The following SGCD variants were observed in gnomAD, a reference collection of about 807,000 sequenced individuals.
The protein encoded by SGCD is delta-sarcoglycan.
A neutral mutation model predicts 36.6 loss-of-function variants in SGCD; 18 were observed. The ratio of observed to expected loss-of-function variants is 0.49; its 90% confidence interval spans 0.34 to 0.73. SGCD has a LOEUF of 0.73. Among genes scored for constraint, SGCD ranks in the 30% least tolerant of loss-of-function variants. The pLI, the probability that SGCD is intolerant of heterozygous loss-of-function variation, is 0.01. For missense variants in SGCD, 387 were observed against 346.7 expected (o/e 1.12, Z -0.92); for synonymous variants, 133 against 130.6 (o/e 1.02, Z -0.12).
chr5:155,829,009 A>G, the SGCD span, among the ~76,000 whole-genome samples: 1 of 151,784 alleles, frequency 6.6e-6, no homozygotes, highest in African/African-American at 2.4e-5. Context: ...ATATTATTCT[A>G]TTTTGTCTTT....
chr5:156,714,207 C>T (rs889898076), intron 7 of SGCD, among the ~76,000 whole-genome samples: 1 of 152,224 alleles, frequency 6.6e-6, no homozygotes, highest in Non-Finnish European at 1.5e-5. Flanking sequence ...ACACTCCCAG[C>T]TGAGGTGGAA....
chr5:156,078,044 A>T (rs1760837362), intron 1 of SGCD, among the ~76,000 whole-genome samples: 1 of 152,158 alleles, frequency 6.6e-6, no homozygotes, highest in African/African-American at 2.4e-5. Context: ...ACAATAACAA[A>T]AAGAATCCCT....
In SGCD at chr5:156,113,260, AG is replaced by A. The variant is rs201878428; in HGVS notation, c.-281-4617del. 8.5e-5 allele frequency among the ~76,000 whole-genome samples: 13 copies of A among 152,294 alleles called. No homozygotes were observed. In the East Asian group the frequency reaches 2.5e-3, roughly 29 times the overall value. On this transcript the variant is annotated intron_variant, in intron 1 of 9. Transcript: ENST00000517913. ...TTCAAACAATATAGTCCCTAAGAAA[AG>A]TCTTCATTTCACTTGTTTTTGACCT...
intron 3 of SGCD, among the ~76,000 whole-genome samples, chr5:156,361,508 A>G (rs1769793347): frequency 1.3e-5 from 2 of 152,234 alleles, no homozygotes; most frequent in Admixed American, 1.3e-4. Flanking sequence ...ATAACCAGAA[A>G]GTAGAGTATG....
At chr5:156,718,727 G>A (rs1755338336) in intron 7 of SGCD, among the ~76,000 whole-genome samples, 1 of 151,526 alleles carries the variant, frequency 6.6e-6, no homozygotes, top group Admixed American at 6.6e-5. Flanking sequence ...CCAGCACTTT[G>A]GGAGGTTGAG....
At chr5:156,665,050 G>A (rs1409518165) in intron 7 of SGCD, among the ~76,000 whole-genome samples, 152 of 137,260 alleles carry the variant, frequency 1.1e-3, no homozygotes, top group African/African-American at 1.9e-3. Flanking sequence ...CTGATGGTAT[G>A]GCGCCCTGCC....
At chr5:156,331,507 G>A (rs950373547) in intron 2 of SGCD, among the ~76,000 whole-genome samples, 2 of 152,204 alleles carry the variant, frequency 1.3e-5, no homozygotes, top group Non-Finnish European at 2.9e-5. Flanking sequence ...CACTGATAAA[G>A]CAATGGCACC....
In SGCD at chr5:156,450,372, A is replaced by T. The variant is rs573771747; in HGVS notation, c.193-58229A>T. 2.8e-4 allele frequency among the ~76,000 whole-genome samples: 42 copies of T among 152,190 alleles called. 1 individual carries two copies. Among genetic ancestry groups the T allele is most frequent in the East Asian group, 1.5e-3 (8 of 5,176 alleles). On this transcript the variant is annotated intron_variant, in intron 3 of 8. Coordinates refer to ENST00000337851, the MANE Select transcript of SGCD (RefSeq NM_000337.6). The stretch of plus-strand genomic sequence containing the variant: ...CTCACATAGGTCCTATGCACACTGG[A>T]TAGGGGGCTTAAGGAGACAGTAAAG...
intron 1 of SGCD, among the ~76,000 whole-genome samples, chr5:155,976,493 A>G (rs1402836211): frequency 6.6e-6 from 1 of 152,216 alleles, no homozygotes; most frequent in African/African-American, 2.4e-5. Flanking sequence ...CCAAGAACGT[A>G]ACACAGGCTC....
At chr5:155,860,975 T>C in the SGCD span, among the ~76,000 whole-genome samples, 1 of 152,242 alleles carries the variant, frequency 6.6e-6, no homozygotes, top group Non-Finnish European at 1.5e-5. Context: ...AGAAGTGGTT[T>C]AATCTGAAAA....
intron 3 of SGCD, among the ~76,000 whole-genome samples, chr5:156,242,977 C>G (rs1322658498): frequency 6.6e-6 from 1 of 152,104 alleles, no homozygotes; most frequent in African/African-American, 2.4e-5. Flanking sequence ...GTAAGGTGGT[C>G]ATGCAGGTTG....
chr5:155,989,758 C>T (rs1758396637), intron 1 of SGCD, among the ~76,000 whole-genome samples: 1 of 152,166 alleles, frequency 6.6e-6, no homozygotes, highest in South Asian at 2.1e-4. Flanking sequence ...AATACCATGT[C>T]TTCAGCAGGT....
At chr5:155,988,708 A>T (rs1482393723) in intron 1 of SGCD, among the ~76,000 whole-genome samples, 1 of 152,222 alleles carries the variant, frequency 6.6e-6, no homozygotes, top group African/African-American at 2.4e-5. Context: ...AGGTAAAAAT[A>T]AGCTCAAATT....
the SGCD span, among the ~76,000 whole-genome samples, chr5:155,768,370 A>G: frequency 6.6e-6 from 1 of 151,860 alleles, no homozygotes; most frequent in Admixed American, 6.6e-5. Context: ...GCATTCATCC[A>G]TGCAACAAAT....
chr5:156,459,544 G>A (rs1754397145), intron 3 of SGCD, among the ~76,000 whole-genome samples: 1 of 152,098 alleles, frequency 6.6e-6, no homozygotes, highest in African/African-American at 2.4e-5. Flanking sequence ...TCTTACACAG[G>A]AAGAAATGAA....
chr5:156,678,403 C>CAGTTGACCTTATAACAGTTCAGATTCTGT (rs1753596013), intron 7 of SGCD, among the ~76,000 whole-genome samples: 3 of 152,130 alleles, frequency 2.0e-5, no homozygotes, highest in Non-Finnish European at 2.9e-5. Flanking sequence ...TAATTGTTTA[C>CAGTTGACCTTATAACAGTTCAGATTCTGT]AGTTGACCTT....
chr5:156,569,417 C>A (rs1458601028), intron 4 of SGCD, among the ~76,000 whole-genome samples: 3 of 151,944 alleles, frequency 2.0e-5, no homozygotes, highest in East Asian at 3.9e-4. Context: ...CATGGTGAAA[C>A]CCTGTCTCTA....
chr5:156,461,777 A>C (rs1285842083), intron 3 of SGCD, among the ~76,000 whole-genome samples: 3 of 152,142 alleles, frequency 2.0e-5, no homozygotes, highest in Non-Finnish European at 4.4e-5. Flanking sequence ...TGAAGTAGAA[A>C]TCTCACACTT....
intron 3 of SGCD, among the ~76,000 whole-genome samples, chr5:156,358,050 G>A (rs1319729674): frequency 1.3e-5 from 2 of 152,160 alleles, no homozygotes; most frequent in African/African-American, 2.4e-5. Flanking sequence ...ATGTATGGGA[G>A]TTTTGACCAT....
Sources: allele counts gnomAD v4.1 joint callset (sites outside exome capture counted in the v4.1 genomes callset), GRCh38; gene constraint gnomAD v4.1.1; transcripts MANE v1.5; gene names NCBI Gene and HGNC (gene_info 2026-07-23, HGNC 2026-07-21).